The following TH variants were observed in gnomAD, a reference collection of about 807,000 sequenced individuals.
TH encodes the protein tyrosine 3-monooxygenase.
A neutral mutation model predicts 57.4 loss-of-function variants in TH; 49 were observed. The ratio of observed to expected loss-of-function variants is 0.85; its 90% CI spans 0.68 to 1.08. The LOEUF is 1.08. Among genes scored for constraint, TH ranks in the 50% least tolerant of loss-of-function variants. TH has a pLI of 0.00. For missense variants in TH, 720 were observed against 696.7 expected, an observed-to-expected ratio of 1.03 and a Z score of -0.38; for synonymous variants, 330 against 304.5, an observed-to-expected ratio of 1.08 and a Z score of -0.87.
chr11:2,171,604 G>A lies in TH; in HGVS notation c.90+93C>T, dbSNP rs1846260458. ...GGTTTGCATGGACCCTGAGCCTGGG[G>A]CTGCCAGCCAGGCTGGGGAGTAGCA... On this transcript the variant is annotated intron_variant, in intron 1 of 12. Coordinates refer to ENST00000352909, the MANE Select transcript of TH (RefSeq NM_000360.4). This position sits in a 1 kb window ranked among gnomAD's most constrained non-coding sequence, Gnocchi z 8.6. 12 of 1,412,898 alleles carry A rather than the reference G, an allele frequency of 8.5e-6. No homozygotes were observed. In the South Asian group the frequency reaches 1.2e-4, roughly 14 times the overall value. The allele number at this position is 1,412,898 out of a possible 1,614,324, so 87.5% of individuals were successfully genotyped here.
In TH at chr11:2,168,794, C is replaced by G. The variant is rs542616399; in HGVS notation, c.313-129G>C. ...GCCCTGCCCTTGACTTTTGTGCTAGCAGCACACAGATCCCGTTCTTCCAGG... is the reference window on the plus strand; with the variant it reads ...GCCCTGCCCTTGACTTTTGTGCTAGGAGCACACAGATCCCGTTCTTCCAGG... On this transcript the variant is annotated intron_variant, in intron 2 of 12. Coordinates refer to ENST00000352909, the MANE Select transcript of TH (RefSeq NM_000360.4). The G allele has an allele frequency of 2.6e-6, 3 of 1,132,122 alleles. No individual in the cohort carries two copies. The South Asian group carries it at 4.0e-5, about 15-fold the overall frequency. 70.1% of individuals were successfully genotyped at this position (1,132,122 alleles called of 1,614,324 possible).
At chr11:2,167,961 G>A (rs1846147798) in intron 4 of TH, 28 bp from the exon 5 acceptor site, 1 of 1,610,606 alleles carries the variant, frequency 6.2e-7, no homozygotes, top group Non-Finnish European at 8.5e-7. Flanking sequence ...GCACGGGTCA[G>A]GAGGCTGTGC....
chr11:2,165,626 C>T (rs1655731340), intron 11 of TH, 42 bp downstream of exon 11: 1 of 1,596,314 alleles, frequency 6.3e-7, no homozygotes, highest in African/African-American at 1.3e-5. Context: ...GTCCCCCAGC[C>T]CTGCCCCTCT....
Position 2,164,272 on chromosome 11 carries a change from C to A in TH, c.1455G>T (p.Glu485Asp). 1.3e-6 allele frequency: 2 copies of A among 1,501,384 alleles called. No homozygotes were observed. Among genetic ancestry groups the A allele is most frequent in the Non-Finnish European group, 1.8e-6 (2 of 1,123,024 alleles). The allele number at this position is 1,501,384 out of a possible 1,614,324, so 93.0% of individuals were successfully genotyped here. A position where few individuals can be genotyped will look rare whatever the true frequency, so the allele number is the denominator to read the frequency against. Residue 485 changes from glutamate to aspartate, a missense_variant, in exon 13 of 13, where the codon GAG (glutamate) becomes GAT (aspartate). Coordinates refer to ENST00000352909, the MANE Select transcript of TH (RefSeq NM_000360.4). Reference protein sequence around the residue: ...VRRSLEGVQDELDTLAHALSA... With the variant: ...VRRSLEGVQDDLDTLAHALSA... ...TCAGCGCATGGGCAAGGGTGTCCAG[C>A]TCATCCTGGACACCCTCCAGGGAGC...
intron 11 of TH, 100 bp from the exon 12 acceptor site, chr11:2,165,465 T>A (rs1352676677): frequency 3.2e-6 from 5 of 1,543,644 alleles, no homozygotes; most frequent in Non-Finnish European, 4.4e-6. Flanking sequence ...TTGGGTAGAG[T>A]CACCCCCATC....
At chr11:2,165,156 C>A in intron 12 of TH, 76 bp downstream of exon 12, 1 of 1,609,048 alleles carries the variant, frequency 6.2e-7, no homozygotes, top group Non-Finnish European at 8.5e-7. Flanking sequence ...TCCAGCCCTG[C>A]TCAAGGCCAG....
intron 12 of TH, 86 bp downstream of exon 12, chr11:2,165,146 T>C: frequency 6.2e-7 from 1 of 1,602,084 alleles, no homozygotes; most frequent in South Asian, 1.1e-5. Context: ...GGCTCACAGG[T>C]CCAGCCCTGC....
intron 11 of TH, 57 bp downstream of exon 11, chr11:2,165,611 G>T (rs765272026): frequency 4.4e-6 from 7 of 1,576,966 alleles, no homozygotes; most frequent in Non-Finnish European, 6.1e-6. Context: ...TCCCCTCCCT[G>T]CACCGTCCCC....
chr11:2,167,331 C>T, intron 6 of TH, 104 bp downstream of exon 6: 1 of 1,342,346 alleles, frequency 7.4e-7, no homozygotes, highest in African/African-American at 1.4e-5. Flanking sequence ...CGGCCTTAGT[C>T]TCTCCTGTTG....
chr11:2,166,811 G>GGAGCC (rs764639821), intron 7 of TH, 43 bp from the exon 8 acceptor site: 16 of 1,551,482 alleles, frequency 1.0e-5, no homozygotes, highest in Non-Finnish European at 1.3e-5. Context: ...GGGACGGGCT[G>GGAGCC]GAGCCGCGCT....
At chr11:2,164,455 G>C (rs1205503616) in intron 12 of TH, 63 bp from the exon 13 acceptor site, 1 of 1,517,438 alleles carries the variant, frequency 6.6e-7, no homozygotes, top group Admixed American at 2.1e-5. Flanking sequence ...CTCCAGGAGA[G>C]GGGAGGCCAG....
In TH at chr11:2,168,728, TG is replaced by T. The variant is rs1381730368; in HGVS notation, c.313-64del. 1.3e-4 allele frequency: 11 copies of T among 85,546 alleles called. No homozygotes were observed. In the African/African-American group the frequency reaches 3.5e-3, roughly 27 times the overall value. 5.3% of individuals were successfully genotyped at this position (85,546 alleles called of 1,614,324 possible). A position where few individuals can be genotyped will look rare whatever the true frequency, so the allele number is the denominator to read the frequency against. On this transcript the variant is annotated intron_variant, in intron 2 of 12. Coordinates refer to ENST00000352909, the MANE Select transcript of TH (RefSeq NM_000360.4). ...AAGAGACAGAGATGGAGAGAGAGGGTGGGGTGGGCGGGGAGGAGGCACATCT... is the reference window on the plus strand; with the variant it reads ...AAGAGACAGAGATGGAGAGAGAGGGTGGGTGGGCGGGGAGGAGGCACATCT...
Position 2,164,408 on chromosome 11 carries a change from G to T in TH, c.1335-16C>A. The T allele has an allele frequency of 6.5e-7, 1 of 1,541,720 alleles. No homozygotes were observed. The highest frequency in any genetic ancestry group is 8.7e-7 in the Non-Finnish European group (1 of 1,144,428). ...GGCATAGCTCCTGGGGAGGAGAGCG[G>T]CAGAGCCCTCGTCAACTGGCGGGCA... On this transcript the variant is annotated splice_polypyrimidine_tract_variant and intron_variant, in intron 12 of 12. Coordinates refer to ENST00000352909, the MANE Select transcript of TH (RefSeq NM_000360.4).
At position 2,163,938 on chromosome 11, in the gene TH, C is replaced by T. The variant is rs1590163597; in HGVS notation, c.*295G>A. On this transcript the variant is annotated 3_prime_UTR_variant, in exon 13 of 13. Coordinates refer to ENST00000352909, the MANE Select transcript of TH (RefSeq NM_000360.4). ...TGGGGCCAGGCAGGTGTAGAGACCA[C>T]AGTTTCTTTTATTGTGACGGTGATT... 2.4e-5 allele frequency: 7 copies of T among 292,160 alleles called. No homozygotes were observed. The East Asian group carries it at 3.8e-4, about 16-fold the overall frequency. 18.1% of individuals were successfully genotyped at this position (292,160 alleles called of 1,614,324 possible).
intron 3 of TH, 90 bp downstream of exon 3, chr11:2,168,401 G>T (rs542908881): frequency 1.9e-6 from 3 of 1,549,210 alleles, no homozygotes; most frequent in Non-Finnish European, 2.6e-6. Flanking sequence ...CCACCACCAC[G>T]TGGTCACTGT....
At position 2,164,309 on chromosome 11, in the gene TH, T is replaced by C. The variant is rs1273006467; in HGVS notation, c.1418A>G (p.Gln473Arg). 2.6e-6 allele frequency: 4 copies of C among 1,532,968 alleles called. No homozygotes were observed. The highest frequency in any genetic ancestry group is 2.8e-5 in the African/African-American group (2 of 71,612). 95.0% of individuals were successfully genotyped at this position (1,532,968 alleles called of 1,614,324 possible). ...ACCCTCCAGGGAGCGCCGCACGGCC[T>C]GGGGGCTGTCCAGCACGTCGATGGC... is the stretch of plus-strand genomic sequence containing the variant. Reference protein sequence around the residue: ...TLAIDVLDSPQAVRRSLEGVQ... With the variant: ...TLAIDVLDSPRAVRRSLEGVQ... The change falls in exon 13 of 13, where the codon CAG becomes CGG. Residue 473 changes from glutamine to arginine, a missense_variant. By Grantham distance (43) the Gln-to-Arg change is conservative. Coordinates refer to ENST00000352909, the MANE Select transcript of TH (RefSeq NM_000360.4).
rs753359396 is a variant in TH at position 2,168,093 on chromosome 11, G to A, written c.574C>T (p.Pro192Ser). ...KFDPDLDLDH[P>S]GFSDQVYRQR... ...TGAGTGAGGGGCGCACCACTCACCG[G>A]GTGGTCCAAGTCCAGGTCAGGGTCG... Residue 192 changes from proline to serine, a missense_variant and splice_region_variant, in exon 4 of 13, where the codon CCG becomes TCG. Coordinates refer to ENST00000352909, the MANE Select transcript of TH (RefSeq NM_000360.4). 2 of 1,613,198 alleles carry A rather than the reference G, an allele frequency of 1.2e-6. No homozygotes were observed. The highest frequency in any genetic ancestry group is 1.1e-5 in the South Asian group (1 of 91,082).
Position 2,171,033 on chromosome 11 carries a change from CCCCTGT to C in TH, c.90+658_90+663del. 6.6e-6 allele frequency among the ~76,000 whole-genome samples: 1 copy of C among 152,182 alleles called. No homozygotes were observed. Among genetic ancestry groups the C allele is most frequent in the African/African-American group, 2.4e-5 (1 of 41,524 alleles). On this transcript the variant is annotated intron_variant, in intron 1 of 12. Transcript: ENST00000352909. This position sits in a 1 kb window ranked among gnomAD's most constrained non-coding sequence, Gnocchi z 8.6. Reference sequence around the variant, plus strand: ...GATTATCCAGCCTGGCCCACACAGTCCCCTGTACACAGGGCTTCCGAGTGCAGGTCA... The same window carrying C: ...GATTATCCAGCCTGGCCCACACAGTCACACAGGGCTTCCGAGTGCAGGTCA...
Position 2,166,499 on chromosome 11 carries a change from G to T in TH, c.1028C>A (p.Thr343Asn). The part of the protein sequence containing the change: ...LGHVPMLADR[T>N]FAQFSQDIGL... ...GCGTACCTGCGAGAACTGCGCGAAG[G>T]TGCGGTCGGCCAGCATGGGCACGTG... The change falls in exon 9 of 13, where the codon ACC (threonine) becomes AAC (asparagine). Residue 343 changes from threonine to asparagine, a missense_variant. By Grantham distance (65) the Thr-to-Asn change is moderately conservative (BLOSUM62 0). Coordinates refer to ENST00000352909, the MANE Select transcript of TH (RefSeq NM_000360.4). The T allele has an allele frequency of 6.3e-7, 1 of 1,595,622 alleles. No homozygotes were observed. Among genetic ancestry groups the T allele is most frequent in the Non-Finnish European group, 8.5e-7 (1 of 1,176,148 alleles).
Sources: allele counts gnomAD v4.1 joint callset (sites outside exome capture counted in the v4.1 genomes callset), GRCh38; gene constraint gnomAD v4.1.1; non-coding constraint Gnocchi (gnomAD v3.1); transcripts MANE v1.5; gene names NCBI Gene and HGNC (gene_info 2026-07-23, HGNC 2026-07-21).